ABCC3: variants seen among roughly 807,000 people sequenced by gnomAD.
The protein encoded by ABCC3 is ATP-binding cassette sub-family C member 3.
ABCC3 carries 121 observed loss-of-function variants against 165.3 expected under a neutral mutation model. That is an observed-to-expected ratio of 0.73 (90% CI 0.63 to 0.85). The LOEUF is 0.85. Ranked by LOEUF, ABCC3 falls within the 40% of genes least tolerant of loss-of-function variation. The probability of loss-of-function intolerance (pLI) is 0.00; values close to 1 mark genes in which losing one functional copy is unlikely to be tolerated. For synonymous variants in ABCC3, 733 were observed against 810.1 expected (o/e 0.90, Z 1.62); for missense variants, 1,869 against 1,964.1 (o/e 0.95, Z 0.92).
rs1968025997 is a variant in ABCC3 at position 50,686,575 on chromosome 17, ACTGTCT to A, written c.4281-958_4281-953del. 2.6e-5 allele frequency among the ~76,000 whole-genome samples: 4 copies of A among 151,936 alleles called. No individual in the cohort carries two copies. In the South Asian group the frequency reaches 8.3e-4, roughly 32 times the overall value. On this transcript the variant is annotated intron_variant, in intron 29 of 30. Transcript: ENST00000285238. ...GTCTCTCCAGACCCTGTGCCCCATGACTGTCTCTTGCTTGATCCATTCTTCTCACCT... is the reference window on the plus strand; with the variant it reads ...GTCTCTCCAGACCCTGTGCCCCATGACTTGCTTGATCCATTCTTCTCACCT...
In ABCC3 at chr17:50,647,863, A is replaced by AC. The variant is rs199709896; in HGVS notation, c.46-7965dup. Among the ~76,000 whole-genome samples the AC allele has an allele frequency of 9.2e-3, 1,403 of 152,140 alleles. 21 individuals carry two copies. The highest frequency in any genetic ancestry group is 0.032 in the African/African-American group (1,318 of 41,484). The stretch of plus-strand genomic sequence containing the variant: ...GAACCAGCCTGGTCAACATGGCAAA[A>AC]CCCCGTCTGTACTAAAAATACAAAA... On this transcript the variant is annotated intron_variant, in intron 1 of 30. Transcript: ENST00000285238.
At chr17:50,644,310 C>G (rs865871198) in intron 1 of ABCC3, among the ~76,000 whole-genome samples, 1 of 51,284 alleles carries the variant, frequency 1.9e-5, no homozygotes, top group Non-Finnish European at 3.4e-5. Flanking sequence ...GACTCCGTCT[C>G]AAAAAAAAAA....
At chr17:50,657,001 C>T (rs951302150) in intron 3 of ABCC3, 45 bp from the exon 4 acceptor site, 1 of 1,597,570 alleles carries the variant, frequency 6.3e-7, no homozygotes, top group South Asian at 1.1e-5. Flanking sequence ...GAGGCAGGTC[C>T]AGATGTGTGT....
intron 8 of ABCC3, chr17:50,663,331 C>T: frequency 3.6e-6 from 1 of 280,498 alleles, no homozygotes; most frequent in Non-Finnish European, 6.8e-6. Flanking sequence ...CCCCCAGCAG[C>T]CTAGGAGAAG....
chr17:50,652,136 TC>T (rs1967125384), intron 1 of ABCC3, among the ~76,000 whole-genome samples: 1 of 152,222 alleles, frequency 6.6e-6, no homozygotes, highest in Non-Finnish European at 1.5e-5. Flanking sequence ...AAAATAGAGC[TC>T]TTTCATAATT....
intron 1 of ABCC3, among the ~76,000 whole-genome samples, chr17:50,653,359 A>AG (rs1457521560): frequency 2.7e-5 from 4 of 150,884 alleles, no homozygotes; most frequent in Middle Eastern, 3.4e-3. Flanking sequence ...AAAAAAAAAA[A>AG]AAAAGAAAAA....
rs764437327 is a variant in ABCC3 at position 50,677,930 on chromosome 17, A to C, written c.3565A>C (p.Ile1189Leu). 2.5e-6 allele frequency: 4 copies of C among 1,613,856 alleles called. No homozygotes were observed. The highest frequency in any genetic ancestry group is 3.4e-6 in the Non-Finnish European group (4 of 1,179,986). The change falls in exon 24 of 31, where the codon ATC becomes CTC. Residue 1189 changes from isoleucine to leucine, a missense_variant. Ile to Leu is a conservative substitution (Grantham distance 5, BLOSUM62 2). Coordinates refer to ENST00000285238, the MANE Select transcript of ABCC3 (RefSeq NM_003786.4). ...CAACCAGAGAAGCTGCTACCCCTAC[A>C]TCATCTCCAACCGGTCAGAAGCCGC... Reference protein sequence around the residue: ...DANQRSCYPYIISNRWLSIGV... With the variant: ...DANQRSCYPYLISNRWLSIGV...
chr17:50,637,157 C>T (rs2054188464), intron 1 of ABCC3, among the ~76,000 whole-genome samples: 1 of 152,108 alleles, frequency 6.6e-6, no homozygotes, highest in Non-Finnish European at 1.5e-5. Flanking sequence ...AAATGGCAAA[C>T]TGACCACCCC....
intron 4 of ABCC3, 79 bp from the exon 5 acceptor site, chr17:50,658,003 C>T: frequency 6.2e-7 from 1 of 1,602,524 alleles, no homozygotes; most frequent in Non-Finnish European, 8.5e-7. Context: ...AGACTGATGC[C>T]CCAAGGGACT....
At position 50,668,010 on chromosome 17, in the gene ABCC3, G is replaced by GA; in HGVS notation, c.1782+1_1782+2insA. 1 of 1,613,640 alleles carries GA rather than the reference G, an allele frequency of 6.2e-7. No individual in the cohort carries two copies. The highest frequency in any genetic ancestry group is 8.5e-7 in the Non-Finnish European group (1 of 1,179,582). On this transcript the variant is annotated splice_donor_variant, in intron 13 of 30. Transcript: ENST00000285238. LOFTEE classifies it high-confidence loss of function. ...CCAGTTAATCAGCAACCTGACTCAG[G>GA]TAACCCTGGGTAGGGCTGGGGGCTC...
intron 30 of ABCC3, among the ~76,000 whole-genome samples, chr17:50,688,037 G>A (rs1968055580): frequency 1.3e-5 from 2 of 151,518 alleles, no homozygotes; most frequent in South Asian, 4.2e-4. Context: ...TCAGCCTCTC[G>A]AAGTACTGGG....
chr17:50,669,209 C>T lies in ABCC3; in HGVS notation c.2007C>T (p.Ser669=), dbSNP rs764133575. Residue 669 remains serine (S), a synonymous_variant, in exon 16 of 31, where the codon TCC becomes TCT. Transcript: ENST00000285238. ...VVGPVGCGKS[S]LVSALLGEME... ...GGCCTGTGGGCTGTGGGAAGTCCTC[C>T]CTGGTGTCTGCCCTGCTGGGAGAGA... 6 of 1,612,250 alleles carry T rather than the reference C, an allele frequency of 3.7e-6. No homozygotes were observed. The highest frequency in any genetic ancestry group is 5.1e-6 in the Non-Finnish European group (6 of 1,179,436).
Position 50,691,316 on chromosome 17 carries a change from T to C in ABCC3, c.*116T>C. 1 of 795,722 alleles carries C rather than the reference T, an allele frequency of 1.3e-6. No individual in the cohort carries two copies. The highest frequency in any genetic ancestry group is 2.1e-6 in the Non-Finnish European group (1 of 472,982). 49.3% of individuals were successfully genotyped at this position (795,722 alleles called of 1,614,324 possible). A position where few individuals can be genotyped will look rare whatever the true frequency, so the allele number is the denominator to read the frequency against. ...AAACACTGGGGGCACCTTAAGATTT[T>C]GCACCTGTAAAGTGCCTTACAGGGT... On this transcript the variant is annotated 3_prime_UTR_variant, in exon 31 of 31. Coordinates refer to ENST00000285238, the MANE Select transcript of ABCC3 (RefSeq NM_003786.4).
Position 50,644,356 on chromosome 17 carries a change from G to A in ABCC3, c.45+9375G>A, listed in dbSNP as rs183148403. ...AAGGAAGAAGGGAAGGCAGGCTGGG[G>A]AGGTTGGGGAAAGGAAGCAGGGAGT... On this transcript the variant is annotated intron_variant, in intron 1 of 30. Coordinates refer to ENST00000285238, the MANE Select transcript of ABCC3 (RefSeq NM_003786.4). Among the ~76,000 whole-genome samples the A allele has an allele frequency of 2.4e-3, 355 of 151,064 alleles. 2 individuals are homozygous for A. The highest frequency in any genetic ancestry group is 8.4e-3 in the African/African-American group (346 of 41,212).
In ABCC3 at chr17:50,664,030, C is replaced by T. The variant is rs1967464835; in HGVS notation, c.1257C>T (p.Arg419=). The T allele has an allele frequency of 3.1e-6, 5 of 1,614,226 alleles. No homozygotes were observed. The South Asian group carries it at 4.4e-5, about 14-fold the overall frequency. The change falls in exon 10 of 31, where the codon CGC becomes CGT. Residue 419 remains arginine (R), a synonymous_variant. Transcript: ENST00000285238. ...IVNLMSVDAQ[R]FMDLAPFLNL... Reference sequence around the variant, plus strand: ...ACCTCATGTCAGTGGATGCCCAGCGCTTCATGGACCTTGCCCCCTTCCTCA... The same window carrying T: ...ACCTCATGTCAGTGGATGCCCAGCGTTTCATGGACCTTGCCCCCTTCCTCA...
intron 6 of ABCC3, among the ~76,000 whole-genome samples, chr17:50,658,749 A>G (rs938112977): frequency 3.3e-5 from 5 of 152,246 alleles, no homozygotes; most frequent in African/African-American, 9.6e-5. Context: ...GGACAGGCCC[A>G]GGAGGCTGGA....
intron 1 of ABCC3, among the ~76,000 whole-genome samples, chr17:50,640,492 C>T (rs959968700): frequency 1.3e-5 from 2 of 152,188 alleles, no homozygotes; most frequent in African/African-American, 2.4e-5. Flanking sequence ...AGGCGCAGCA[C>T]AACCAGTTTT....
In ABCC3 at chr17:50,658,566, G is replaced by A. The variant is rs1000604175; in HGVS notation, c.674+70G>A. The A allele has an allele frequency of 3.9e-6, 6 of 1,528,294 alleles. No homozygotes were observed. In the African/African-American group the frequency reaches 4.1e-5, roughly 10 times the overall value. 94.7% of individuals were successfully genotyped at this position (1,528,294 alleles called of 1,614,324 possible). On this transcript the variant is annotated intron_variant, in intron 6 of 30. Transcript: ENST00000285238. ...TGGAAGGTGAGATGGAGAAAGGGGAGCAGGGCAGCAGTTTAGGGACCGGGC... is the reference window on the plus strand; with the variant it reads ...TGGAAGGTGAGATGGAGAAAGGGGAACAGGGCAGCAGTTTAGGGACCGGGC...
At chr17:50,641,368 G>A (rs555385511) in intron 1 of ABCC3, among the ~76,000 whole-genome samples, 40 of 152,334 alleles carry the variant, frequency 2.6e-4, no homozygotes, top group African/African-American at 8.7e-4. Flanking sequence ...GGAGAGCCTT[G>A]AGTAGGGATC....
Sources: allele counts gnomAD v4.1 joint callset (sites outside exome capture counted in the v4.1 genomes callset), GRCh38; gene constraint gnomAD v4.1.1; transcripts MANE v1.5; gene names NCBI Gene and HGNC (gene_info 2026-07-23, HGNC 2026-07-21).